Variants in LAMC1 observed in about 807,000 individuals in gnomAD.
The protein encoded by LAMC1 is laminin subunit gamma 1.
LAMC1 carries 38 observed loss-of-function variants against 173.6 expected under a neutral mutation model. That is an observed-to-expected ratio of 0.22 (90% CI 0.17 to 0.29). The LOEUF (loss-of-function observed/expected upper bound fraction) is 0.29. LAMC1 is among the 10% of genes least tolerant of loss of function. The pLI, the probability that LAMC1 is intolerant of heterozygous loss-of-function variation, is 1.00. For missense variants in LAMC1, 1,824 were observed against 2,051.8 expected, an observed-to-expected ratio of 0.89 and a Z score of 2.14; for synonymous variants, 746 against 749.1, an observed-to-expected ratio of 1.00 and a Z score of 0.07.
intron 23 of LAMC1, 107 bp downstream of exon 23, chr1:183,134,916 G>A (rs923686318): frequency 1.3e-5 from 18 of 1,359,270 alleles, no homozygotes; most frequent in East Asian, 2.3e-5. Context: ...CCAGTGCTGA[G>A]AGAGCAGCCT....
At chr1:183,105,332 G>A (rs544192538) in intron 2 of LAMC1, among the ~76,000 whole-genome samples, 3 of 151,792 alleles carry the variant, frequency 2.0e-5, no homozygotes, top group Non-Finnish European at 4.4e-5. Flanking sequence ...TGATCAGCTA[G>A]CAAACATTTG....
intron 20 of LAMC1, among the ~76,000 whole-genome samples, chr1:183,131,841 A>G (rs936202141): frequency 6.6e-6 from 1 of 152,200 alleles, no homozygotes; most frequent in Non-Finnish European, 1.5e-5. Context: ...AATTATAAAC[A>G]TTTTCTCTTA....
In LAMC1 at chr1:183,023,618, CA is replaced by C; in HGVS notation, c.-98del. On this transcript the variant is annotated 5_prime_UTR_variant, in exon 1 of 28. Transcript: ENST00000258341. ...CGCCGGAGTCAGGCCCCTGGGCCCC[CA>C]GGCTCAAGCAGCGAAGCGGCCTCCG... 1.2e-5 allele frequency: 12 copies of C among 960,228 alleles called. No homozygotes were observed. Among genetic ancestry groups the C allele is most frequent in the Non-Finnish European group, 1.4e-5 (11 of 773,186 alleles). The allele number at this position is 960,228 out of a possible 1,614,324, so 59.5% of individuals were successfully genotyped here.
rs565504452 is a variant in LAMC1 at position 183,139,736 on chromosome 1, C to G, written c.4474-668C>G. ...GTTTTCTGATATTTAGACACTTCCT[C>G]TTCCATTGCTGTTTCCTATGACTCA... On this transcript the variant is annotated intron_variant, in intron 26 of 27. Transcript: ENST00000258341. Among the ~76,000 whole-genome samples the G allele has an allele frequency of 3.3e-5, 5 of 152,352 alleles. No individual in the cohort carries two copies. In the East Asian group the frequency reaches 7.7e-4, roughly 23 times the overall value.
In LAMC1 at chr1:183,027,573, G is replaced by A. The variant is rs186229518; in HGVS notation, c.418+3439G>A. Among the ~76,000 whole-genome samples, 9 of 152,276 alleles carry A rather than the reference G, an allele frequency of 5.9e-5. No homozygotes were observed. The East Asian group carries it at 1.7e-3, about 29-fold the overall frequency. ...AAAAACAATTAGATTAAGGAAAAGAGTGCTTATAAAACCAACCCAATCAAA... is the reference window on the plus strand; with the variant it reads ...AAAAACAATTAGATTAAGGAAAAGAATGCTTATAAAACCAACCCAATCAAA... On this transcript the variant is annotated intron_variant, in intron 1 of 27. Transcript: ENST00000258341.
chr1:183,041,555 TTC>T (rs1435857468), intron 1 of LAMC1, among the ~76,000 whole-genome samples: 1 of 152,180 alleles, frequency 6.6e-6, no homozygotes, highest in Non-Finnish European at 1.5e-5. Flanking sequence ...TTGTATTGTT[TTC>T]TCTCTTTCCC....
At chr1:183,101,632 C>T (rs1238213267) in intron 1 of LAMC1, among the ~76,000 whole-genome samples, 2 of 148,540 alleles carry the variant, frequency 1.3e-5, no homozygotes, top group Non-Finnish European at 3.0e-5. Flanking sequence ...TTAGTTTGAC[C>T]TTCCAACAAC....
chr1:183,135,079 A>C lies in LAMC1; in HGVS notation c.4037A>C (p.Lys1346Thr). The C allele has an allele frequency of 6.2e-7, 1 of 1,614,172 alleles. No homozygotes were observed. Among genetic ancestry groups the C allele is most frequent in the Non-Finnish European group, 8.5e-7 (1 of 1,180,022 alleles). ...CTCCTAGCCCGAGCTGATGCTGCCA[A>C]GGCCCTCGCTGAAGAAGCTGCAAAG... ...DQLLARADAA[K>T]ALAEEAAKKG... Residue 1346 changes from lysine (K) to threonine (T), a missense_variant, in exon 24 of 28, where the codon AAG becomes ACG. Lys to Thr is a moderately conservative substitution (Grantham distance 78). Coordinates refer to ENST00000258341, the MANE Select transcript of LAMC1 (RefSeq NM_002293.4).
intron 1 of LAMC1, chr1:183,096,675 C>T (rs2102063920): frequency 6.6e-6 from 1 of 152,192 alleles, no homozygotes; most frequent in East Asian, 1.9e-4. Context: ...CTATTTTATA[C>T]AAAACTGTAA....
At chr1:183,049,400 T>C (rs145732921) in intron 1 of LAMC1, among the ~76,000 whole-genome samples, 1 of 152,312 alleles carries the variant, frequency 6.6e-6, no homozygotes, top group East Asian at 1.9e-4. Context: ...GTTGTGTCAA[T>C]ACCATATTCT....
At chr1:183,123,269 C>G (rs3768619) in intron 13 of LAMC1, among the ~76,000 whole-genome samples, 78,695 of 151,914 alleles carry the variant, frequency 0.52, 21,077 homozygotes, top group South Asian at 0.65. Context: ...ACCACTTCAA[C>G]TATCACCAAC....
intron 1 of LAMC1, among the ~76,000 whole-genome samples, chr1:183,033,753 G>T (rs575214543): frequency 6.6e-6 from 1 of 151,578 alleles, no homozygotes; most frequent in Non-Finnish European, 1.5e-5. Flanking sequence ...GTGCAGTGGC[G>T]TGATCTTGGC....
rs1354589061 is a variant in LAMC1 at position 183,023,783 on chromosome 1, G to C, written c.67G>C (p.Val23Leu). 6.8e-7 allele frequency: 1 copy of C among 1,471,246 alleles called. No homozygotes were observed. The highest frequency in any genetic ancestry group is 1.4e-5 in the South Asian group (1 of 70,968). 91.1% of individuals were successfully genotyped at this position (1,471,246 alleles called of 1,614,324 possible). A position where few individuals can be genotyped will look rare whatever the true frequency, so the allele number is the denominator to read the frequency against. ...GGGGCGGCTCTGGCCCGTGCTGGCC[G>C]TGCTGGCGGCGGCCGCCGCGGCGGG... Reference protein sequence around the residue: ...PRGRLWPVLAVLAAAAAAGCA... With the variant: ...PRGRLWPVLALLAAAAAAGCA... The change falls in exon 1 of 28, where the codon GTG (valine) becomes CTG (leucine). Residue 23 changes from valine to leucine, a missense_variant. Transcript: ENST00000258341.
intron 4 of LAMC1, among the ~76,000 whole-genome samples, chr1:183,112,045 C>CA (rs775695323): frequency 3.3e-5 from 5 of 152,028 alleles, no homozygotes; most frequent in Non-Finnish European, 7.4e-5. Flanking sequence ...TCTCAAAAAA[C>CA]AAAAACAAAC....
chr1:183,068,242 T>G (rs6697320), intron 1 of LAMC1, among the ~76,000 whole-genome samples: 69,226 of 151,946 alleles, frequency 0.46, 17,163 homozygotes, highest in East Asian at 0.61. Context: ...TTGTTTTTTT[T>G]TGTGTGTGTA....
chr1:183,085,512 G>A (rs1471187088), intron 1 of LAMC1, among the ~76,000 whole-genome samples: 9 of 152,028 alleles, frequency 5.9e-5, no homozygotes. Context: ...ACAGGTGCAA[G>A]CCACCATGCT....
chr1:183,112,547 C>T (rs1028553279), intron 4 of LAMC1, among the ~76,000 whole-genome samples: 2 of 152,084 alleles, frequency 1.3e-5, no homozygotes, highest in Non-Finnish European at 2.9e-5. Context: ...TGTGACAATA[C>T]TACATTAATT....
rs1175178253 is a variant in LAMC1, at chr1:183,080,750, G to A, written c.419-22578G>A. ...AACAAGAAACTTACGTTGTTAGACT[G>A]TGTGGTAAGGTTTTAGTTTTTAGTT... On this transcript the variant is annotated intron_variant, in intron 1 of 27. Coordinates refer to ENST00000258341, the MANE Select transcript of LAMC1 (RefSeq NM_002293.4). Among the ~76,000 whole-genome samples, 5 of 151,402 alleles carry A rather than the reference G, an allele frequency of 3.3e-5. No homozygotes were observed. In the East Asian group the frequency reaches 9.6e-4, roughly 29 times the overall value.
chr1:183,134,756 G>A lies in LAMC1; in HGVS notation c.3946G>A (p.Gly1316Arg). ...TGAGGACCTCAGAGAAGATATGAGA[G>A]GGAAGGAACTTGAAGTCAAGAACCT... ...DYEDLREDMR[G>R]KELEVKNLLE... is the part of the protein sequence containing the mutation. Residue 1316 changes from glycine (G) to arginine (R), a missense_variant, in exon 23 of 28, where the codon GGG (glycine) becomes AGG (arginine). By Grantham distance (125) the Gly-to-Arg change is moderately radical (BLOSUM62 -2). Transcript: ENST00000258341. The A allele has an allele frequency of 1.2e-6, 2 of 1,613,650 alleles. No individual in the cohort carries two copies. The highest frequency in any genetic ancestry group is 1.1e-5 in the South Asian group (1 of 91,000).
Sources: gnomAD v4.1 joint callset for allele counts (sites outside exome capture counted in the v4.1 genomes callset) on GRCh38, gnomAD v4.1.1 for gene constraint, MANE v1.5 for transcripts, NCBI Gene and HGNC (gene_info 2026-07-23, HGNC 2026-07-21) for gene names.